Variants in CIMIP5 observed in about 807,000 individuals in gnomAD.
The protein encoded by CIMIP5 is uncharacterized protein C2orf50.
the CIMIP5 span, among the ~76,000 whole-genome samples, chr2:11,141,936 G>GATGA: frequency 6.6e-6 from 1 of 152,178 alleles, no homozygotes; most frequent in African/African-American, 2.4e-5. Flanking sequence ...GTTCATGCTG[G>GATGA]ATGAATGAAT....
At chr2:11,135,047 C>A in the CIMIP5 span, among the ~76,000 whole-genome samples, 1 of 152,054 alleles carries the variant, frequency 6.6e-6, no homozygotes, top group Non-Finnish European at 1.5e-5. Context: ...GTGTCAGGTT[C>A]TTTTTAACAA....
the CIMIP5 span, chr2:11,133,652 G>A: frequency 4.5e-6 from 7 of 1,540,988 alleles, no homozygotes; most frequent in South Asian, 5.9e-5. Flanking sequence ...GTTGGGGAAG[G>A]TTTTGGAGAA....
the CIMIP5 span, among the ~76,000 whole-genome samples, chr2:11,148,732 C>CTTTT: frequency 1.4e-4 from 5 of 35,548 alleles, no homozygotes; most frequent in African/African-American, 2.2e-4. Context: ...AATGAAAACT[C>CTTTT]TTTTTTTTTT....
At chr2:11,141,864 C>T in the CIMIP5 span, among the ~76,000 whole-genome samples, 3 of 152,090 alleles carry the variant, frequency 2.0e-5, no homozygotes, top group Non-Finnish European at 2.9e-5. Flanking sequence ...TTCATCACTG[C>T]ACCCTATCAC....
the CIMIP5 span, among the ~76,000 whole-genome samples, chr2:11,150,185 C>T: frequency 2.6e-5 from 4 of 151,934 alleles, no homozygotes; most frequent in Non-Finnish European, 5.9e-5. Flanking sequence ...GTGATCCACT[C>T]GCCTCAACCT....
the CIMIP5 span, among the ~76,000 whole-genome samples, chr2:11,153,429 G>A: frequency 1.3e-5 from 2 of 152,206 alleles, no homozygotes; most frequent in Admixed American, 6.5e-5. Context: ...AGTCCTGGGG[G>A]CCCAGATCCT....
the CIMIP5 span, chr2:11,146,923 T>C: frequency 6.6e-6 from 1 of 152,216 alleles, no homozygotes; most frequent in Non-Finnish European, 1.5e-5. Flanking sequence ...ATTCTCACAC[T>C]CAAAATAAAG....
At chr2:11,140,540 T>A in the CIMIP5 span, 5 of 1,575,590 alleles carry the variant, frequency 3.2e-6, no homozygotes, top group East Asian at 9.1e-5. Context: ...TGAAAGACTA[T>A]GACCCAATGG....
the CIMIP5 span, among the ~76,000 whole-genome samples, chr2:11,149,656 A>G: frequency 6.6e-6 from 1 of 152,166 alleles, no homozygotes; most frequent in African/African-American, 2.4e-5. Context: ...GCAGTGATTT[A>G]TGATCTGATC....
the CIMIP5 span, chr2:11,133,615 C>T: frequency 3.8e-6 from 6 of 1,561,426 alleles, no homozygotes; most frequent in Non-Finnish European, 4.3e-6. Flanking sequence ...CTCCCTTTTC[C>T]ACCCTGACTC....
At chr2:11,133,280 G>GCTCT in the CIMIP5 span, 17 of 1,282,334 alleles carry the variant, frequency 1.3e-5, no homozygotes, top group Non-Finnish European at 1.7e-5. Flanking sequence ...CTCAGGCACA[G>GCTCT]GTCTCTCTCT....
chr2:11,147,980 G>A, the CIMIP5 span, among the ~76,000 whole-genome samples: 1 of 152,124 alleles, frequency 6.6e-6, no homozygotes, highest in Non-Finnish European at 1.5e-5. Context: ...CAGGGTCAGT[G>A]CCAGCAAAAG....
At chr2:11,143,298 G>C in the CIMIP5 span, among the ~76,000 whole-genome samples, 1 of 152,116 alleles carries the variant, frequency 6.6e-6, no homozygotes, top group Non-Finnish European at 1.5e-5. Context: ...ACATAATGTT[G>C]AGAGAAAGAA....
At chr2:11,133,335 A>T in the CIMIP5 span, 2 of 1,551,574 alleles carry the variant, frequency 1.3e-6, no homozygotes, top group Non-Finnish European at 1.7e-6. Flanking sequence ...CACTTGCACC[A>T]TGGGGAGCCA....
the CIMIP5 span, among the ~76,000 whole-genome samples, chr2:11,135,341 C>G: frequency 6.6e-6 from 1 of 152,194 alleles, no homozygotes; most frequent in East Asian, 1.9e-4. Flanking sequence ...ATTTCAGTTT[C>G]TCCACACGCT....
At chr2:11,134,742 T>C in the CIMIP5 span, among the ~76,000 whole-genome samples, 728 of 152,292 alleles carry the variant, frequency 4.8e-3, 3 homozygotes, top group African/African-American at 0.016. Context: ...TTGACTATTA[T>C]GTGTAGTGCT....
At chr2:11,135,388 A>G in the CIMIP5 span, among the ~76,000 whole-genome samples, 1 of 152,114 alleles carries the variant, frequency 6.6e-6, no homozygotes, top group South Asian at 2.1e-4. Context: ...TTTTTTGATA[A>G]CAGCCATCCT....
At chr2:11,151,569 A>C in the CIMIP5 span, among the ~76,000 whole-genome samples, 1 of 152,240 alleles carries the variant, frequency 6.6e-6, no homozygotes, top group African/African-American at 2.4e-5. Flanking sequence ...TTGGAGCTTA[A>C]TTATTACTCA....
the CIMIP5 span, among the ~76,000 whole-genome samples, chr2:11,135,578 C>T: frequency 6.6e-6 from 1 of 151,874 alleles, no homozygotes; most frequent in African/African-American, 2.4e-5. Context: ...TTACAGGTGC[C>T]CTCCACCATG....
Sources: allele counts gnomAD v4.1 joint callset (sites outside exome capture counted in the v4.1 genomes callset), GRCh38; gene constraint gnomAD v4.1.1; transcripts MANE v1.5; gene names NCBI Gene and HGNC (gene_info 2026-07-23, HGNC 2026-07-21).